Variants in TMEM108 observed in about 807,000 individuals in gnomAD.
TMEM108 encodes the protein transmembrane protein 108.
A neutral mutation model predicts 35.1 loss-of-function variants in TMEM108; 12 were observed. The observed-to-expected ratio is 0.34, with a 90% CI of 0.22 to 0.55. The LOEUF (loss-of-function observed/expected upper bound fraction) is 0.55. Ranked by LOEUF, TMEM108 falls within the 20% of genes least tolerant of loss-of-function variation. TMEM108 has a pLI of 0.89. For missense variants in TMEM108, 680 were observed against 753.3 expected (o/e 0.90, Z 1.14); for synonymous variants, 287 against 308.6 (o/e 0.93, Z 0.73).
intron 2 of TMEM108, among the ~76,000 whole-genome samples, chr3:133,105,987 G>A (rs1944145696): frequency 6.6e-6 from 1 of 152,092 alleles, no homozygotes; most frequent in Non-Finnish European, 1.5e-5. Flanking sequence ...TTAATCAAAT[G>A]TTTATTGATT....
intron 2 of TMEM108, among the ~76,000 whole-genome samples, chr3:133,175,625 G>A (rs914989946): frequency 2.0e-5 from 3 of 152,202 alleles, no homozygotes; most frequent in African/African-American, 7.2e-5. Context: ...CAAATGCTGA[G>A]AGATTTTGTC....
At chr3:133,134,037 C>T (rs111708650) in intron 2 of TMEM108, among the ~76,000 whole-genome samples, 1 of 152,040 alleles carries the variant, frequency 6.6e-6, no homozygotes, top group Admixed American at 6.5e-5. Context: ...GCTGGGATTA[C>T]AGGCATGAGC....
At chr3:133,055,882 A>C (rs1943459893) in intron 2 of TMEM108, among the ~76,000 whole-genome samples, 1 of 152,224 alleles carries the variant, frequency 6.6e-6, no homozygotes, top group African/African-American at 2.4e-5. Context: ...TCACTTCTGA[A>C]ATTAATTATT....
chr3:133,365,305 C>A (rs1020975440), intron 3 of TMEM108, among the ~76,000 whole-genome samples: 1 of 152,134 alleles, frequency 6.6e-6, no homozygotes, highest in East Asian at 1.9e-4. Context: ...GAATCCCAAC[C>A]CTGCCAGCTT....
chr3:133,142,058 C>T (rs751003816), intron 2 of TMEM108, among the ~76,000 whole-genome samples: 1 of 152,234 alleles, frequency 6.6e-6, no homozygotes, highest in Non-Finnish European at 1.5e-5. Flanking sequence ...CAGTAGCACT[C>T]CCCTTCCCCA....
chr3:133,093,954 A>G (rs1159003037), intron 2 of TMEM108, among the ~76,000 whole-genome samples: 2 of 152,282 alleles, frequency 1.3e-5, no homozygotes, highest in Non-Finnish European at 2.9e-5. Context: ...AACATCAGTC[A>G]TGACAGTTAG....
At chr3:133,248,643 C>T (rs1946420903) in intron 3 of TMEM108, 1 of 152,172 alleles carries the variant, frequency 6.6e-6, no homozygotes, top group Non-Finnish European at 1.5e-5. Flanking sequence ...GAGGTACTGG[C>T]TCTCAAATCA....
At chr3:133,197,084 G>C (rs1243936126) in intron 2 of TMEM108, among the ~76,000 whole-genome samples, 4 of 152,072 alleles carry the variant, frequency 2.6e-5, no homozygotes, top group Non-Finnish European at 5.9e-5. Context: ...AGATGATGCA[G>C]GCACACAATA....
intron 3 of TMEM108, among the ~76,000 whole-genome samples, chr3:133,300,999 C>CGT (rs1164720953): frequency 4.4e-4 from 29 of 65,442 alleles, no homozygotes; most frequent in African/African-American, 1.2e-3. Flanking sequence ...CACACACACA[C>CGT]ACACACACAC....
intron 2 of TMEM108, among the ~76,000 whole-genome samples, chr3:133,227,996 G>C (rs914728527): frequency 1.3e-5 from 2 of 152,172 alleles, no homozygotes; most frequent in African/African-American, 4.8e-5. Flanking sequence ...AATCCATAGA[G>C]ACAATAGATT....
intron 4 of TMEM108, chr3:133,388,359 C>T (rs1328836133): frequency 2.1e-6 from 2 of 970,044 alleles, no homozygotes; most frequent in African/African-American, 3.8e-5. Flanking sequence ...GCGGCCAGCA[C>T]TTTAGGCCAC....
intron 3 of TMEM108, among the ~76,000 whole-genome samples, chr3:133,271,167 A>C (rs1181584651): frequency 6.6e-6 from 1 of 152,280 alleles, no homozygotes; most frequent in East Asian, 1.9e-4. Context: ...CAAGGGGCCA[A>C]AATGGACAAT....
chr3:133,180,368 T>G (rs1032321080), intron 2 of TMEM108, among the ~76,000 whole-genome samples: 5 of 152,150 alleles, frequency 3.3e-5, no homozygotes, highest in Non-Finnish European at 7.4e-5. Context: ...GCCTGACAGT[T>G]AAGTCCTTTT....
At chr3:133,151,274 G>T (rs1347671215) in intron 2 of TMEM108, among the ~76,000 whole-genome samples, 1 of 152,166 alleles carries the variant, frequency 6.6e-6, no homozygotes, top group South Asian at 2.1e-4. Context: ...TGTTTGTTTT[G>T]TTGTATCCCT....
At chr3:133,347,813 A>G (rs1174101723) in intron 3 of TMEM108, among the ~76,000 whole-genome samples, 1 of 152,096 alleles carries the variant, frequency 6.6e-6, no homozygotes, top group Admixed American at 6.6e-5. Flanking sequence ...AATTTTTTTC[A>G]TAATTGCAAC....
Position 133,397,169 on chromosome 3 carries a change from G to A in TMEM108, c.*1183G>A, listed in dbSNP as rs923966685. The A allele has an allele frequency of 1.3e-5, 2 of 152,132 alleles. No individual in the cohort carries two copies. The highest frequency in any genetic ancestry group is 6.5e-5 in the Admixed American group (1 of 15,272). The allele number at this position is 152,132 out of a possible 1,614,324, so 9.4% of individuals were successfully genotyped here. On this transcript the variant is annotated 3_prime_UTR_variant, in exon 6 of 6. Coordinates refer to ENST00000321871, the MANE Select transcript of TMEM108 (RefSeq NM_023943.4). ...CGTCAGACCCTCAGAGACGCCCAAG[G>A]GGCTTCCAGAGGTGGCCGCTTCTCT...
At chr3:133,312,474 G>A (rs552954991) in intron 3 of TMEM108, among the ~76,000 whole-genome samples, 1 of 152,232 alleles carries the variant, frequency 6.6e-6, no homozygotes, top group Admixed American at 6.5e-5. Flanking sequence ...CAGCAGCCTC[G>A]TGGGTCAATC....
At chr3:133,151,822 T>C (rs1944805487) in intron 2 of TMEM108, among the ~76,000 whole-genome samples, 1 of 152,158 alleles carries the variant, frequency 6.6e-6, no homozygotes, top group Admixed American at 6.6e-5. Context: ...CACTTTAAAT[T>C]AAGTAGAGGT....
chr3:133,333,316 A>G (rs1276467106), intron 3 of TMEM108, among the ~76,000 whole-genome samples: 1 of 152,132 alleles, frequency 6.6e-6, no homozygotes, highest in African/African-American at 2.4e-5. Flanking sequence ...ACCATGTATC[A>G]GACTACTTTT....
Sources: allele counts gnomAD v4.1 joint callset (sites outside exome capture counted in the v4.1 genomes callset), GRCh38; gene constraint gnomAD v4.1.1; transcripts MANE v1.5; gene names NCBI Gene and HGNC (gene_info 2026-07-23, HGNC 2026-07-21).